ITGAM: variants seen among roughly 807,000 people sequenced by gnomAD.
ITGAM encodes integrin subunit alpha M, also known as integrin alpha-M.
Under a neutral mutation model 137.5 loss-of-function variants are expected in ITGAM, and 79 were observed. The observed-to-expected ratio is 0.57, with a 90% CI of 0.48 to 0.69. ITGAM has a LOEUF of 0.69. ITGAM is among the 30% of genes least tolerant of loss of function. The pLI is 0.00. For missense variants in ITGAM, 1,343 were observed against 1,483.5 expected (o/e 0.91, Z 1.56); for synonymous variants, 583 against 592.3 (o/e 0.98, Z 0.23).
intron 12 of ITGAM, among the ~76,000 whole-genome samples, chr16:31,291,922 A>G (rs904788723): frequency 6.6e-6 from 1 of 152,128 alleles, no homozygotes; most frequent in Non-Finnish European, 1.5e-5. Flanking sequence ...GTATTTCAAA[A>G]TAACTACAGG....
intron 14 of ITGAM, among the ~76,000 whole-genome samples, chr16:31,302,952 CTTT>C: frequency 8.4e-6 from 1 of 118,982 alleles, no homozygotes; most frequent in Non-Finnish European, 1.7e-5. Context: ...TTCTTTCTTT[CTTT>C]CTTTCTTTCT....
In ITGAM at chr16:31,331,034, G is replaced by A. The variant is rs1567284396; in HGVS notation, c.3277-131G>A. 7 of 614,700 alleles carry A rather than the reference G, an allele frequency of 1.1e-5. No homozygotes were observed. The East Asian group carries it at 1.4e-4, about 12-fold the overall frequency. The allele number at this position is 614,700 out of a possible 1,614,324, so 38.1% of individuals were successfully genotyped here. On this transcript the variant is annotated intron_variant, in intron 28 of 29. Transcript: ENST00000544665. Reference sequence around the variant, plus strand: ...AGGAGGGAGAAGAGGTGGGGGAGGAGGACTGAGGGCTGGGGTTCTGGGGGA... The same window carrying A: ...AGGAGGGAGAAGAGGTGGGGGAGGAAGACTGAGGGCTGGGGTTCTGGGGGA...
At chr16:31,312,469 C>T (rs551956182) in intron 14 of ITGAM, among the ~76,000 whole-genome samples, 2 of 152,244 alleles carry the variant, frequency 1.3e-5, no homozygotes, top group South Asian at 4.1e-4. Flanking sequence ...GTCTGTCATG[C>T]AGGCTGGAGT....
At chr16:31,262,358 TCCTTC>T (rs1336139140) in intron 2 of ITGAM, among the ~76,000 whole-genome samples, 1 of 127,802 alleles carries the variant, frequency 7.8e-6, no homozygotes, top group Non-Finnish European at 1.7e-5. Flanking sequence ...CTTCCTTCCT[TCCTTC>T]CTTCCTTCCT....
intron 14 of ITGAM, among the ~76,000 whole-genome samples, chr16:31,303,099 T>G (rs1459708954): frequency 6.6e-6 from 1 of 151,630 alleles, no homozygotes; most frequent in Non-Finnish European, 1.5e-5. Flanking sequence ...AGTGACGAGA[T>G]CATGGCTCAC....
intron 12 of ITGAM, among the ~76,000 whole-genome samples, chr16:31,289,306 G>A (rs1220128123): frequency 1.3e-5 from 2 of 152,142 alleles, no homozygotes; most frequent in Admixed American, 6.5e-5. Flanking sequence ...ACATGCACAC[G>A]AATGTTTATT....
In ITGAM at chr16:31,271,838, C is replaced by A; in HGVS notation, c.559-9C>A. On this transcript the variant is annotated splice_polypyrimidine_tract_variant and intron_variant, in intron 6 of 29. Coordinates refer to ENST00000544665, the MANE Select transcript of ITGAM (RefSeq NM_000632.4). Reference sequence around the variant, plus strand: ...TTCTCCAGCATCACACCAGCCGCCCCCTCCGCAGTTCTCTTTGATGCAGTA... The same window carrying A: ...TTCTCCAGCATCACACCAGCCGCCCACTCCGCAGTTCTCTTTGATGCAGTA... 1.2e-6 allele frequency: 2 copies of A among 1,613,934 alleles called. No homozygotes were observed. The highest frequency in any genetic ancestry group is 2.2e-5 in the South Asian group (2 of 91,076).
chr16:31,298,170 C>T (rs1377127029), intron 14 of ITGAM, among the ~76,000 whole-genome samples: 1 of 141,554 alleles, frequency 7.1e-6, no homozygotes, highest in Non-Finnish European at 1.5e-5. Context: ...GAGCTCAAGA[C>T]CAGTCAGGGC....
intron 8 of ITGAM, among the ~76,000 whole-genome samples, chr16:31,273,957 G>A (rs549949874): frequency 3.9e-5 from 6 of 152,344 alleles, no homozygotes; most frequent in Admixed American, 3.3e-4. Flanking sequence ...CATGGTGAAG[G>A]CAGGGGAGCA....
At chr16:31,263,476 T>C (rs957020752) in intron 2 of ITGAM, among the ~76,000 whole-genome samples, 1 of 152,198 alleles carries the variant, frequency 6.6e-6, no homozygotes, top group African/African-American at 2.4e-5. Flanking sequence ...CAGAAATTCA[T>C]GAAAATACCT....
chr16:31,269,599 A>T (rs530608463), intron 5 of ITGAM, among the ~76,000 whole-genome samples: 389 of 152,230 alleles, frequency 2.6e-3, no homozygotes, highest in Middle Eastern at 6.8e-3. Flanking sequence ...AGTAAGATTT[A>T]TTTACAAAGA....
intron 14 of ITGAM, among the ~76,000 whole-genome samples, chr16:31,302,571 G>A (rs1042126293): frequency 3.3e-5 from 5 of 149,410 alleles, no homozygotes; most frequent in African/African-American, 1.2e-4. Flanking sequence ...GTCTCGTGCT[G>A]TTGCCCAGGA....
intron 7 of ITGAM, among the ~76,000 whole-genome samples, chr16:31,272,446 TATATATATATATATATA>T (rs1393889476): frequency 3.1e-3 from 37 of 11,964 alleles, no homozygotes; most frequent in African/African-American, 6.9e-3. Flanking sequence ...TATATATATA[TATATATATATATATATA>T]TTTTTTTTTT....
chr16:31,262,027 C>T (rs1420711051), intron 2 of ITGAM, among the ~76,000 whole-genome samples: 2 of 152,100 alleles, frequency 1.3e-5, no homozygotes, highest in Non-Finnish European at 2.9e-5. Flanking sequence ...CAGGAGGGAC[C>T]TCACAAATGG....
intron 14 of ITGAM, among the ~76,000 whole-genome samples, chr16:31,299,329 G>A (rs2080171241): frequency 6.6e-6 from 1 of 151,944 alleles, no homozygotes; most frequent in Non-Finnish European, 1.5e-5. Flanking sequence ...TAGTTTTTGA[G>A]ACAAAAGTTT....
intron 16 of ITGAM, among the ~76,000 whole-genome samples, chr16:31,321,862 G>T (rs1415631752): frequency 6.6e-6 from 1 of 152,228 alleles, no homozygotes; most frequent in Non-Finnish European, 1.5e-5. Context: ...GTTCTCCAGA[G>T]AACTGAAGGC....
intron 5 of ITGAM, among the ~76,000 whole-genome samples, 179 bp from the exon 6 acceptor site, chr16:31,270,775 T>C (rs1324548578): frequency 1.9e-4 from 26 of 136,028 alleles, no homozygotes; most frequent in South Asian, 4.5e-4. Context: ...TATATATATA[T>C]ACACACACGT....
chr16:31,284,771 G>A (rs1022867748), intron 12 of ITGAM, among the ~76,000 whole-genome samples: 4 of 152,104 alleles, frequency 2.6e-5, no homozygotes, highest in African/African-American at 9.7e-5. Flanking sequence ...ACCTCAGTTG[G>A]AAATGCAGAA....
chr16:31,270,125 C>T (rs1312316051), intron 5 of ITGAM, among the ~76,000 whole-genome samples: 1 of 113,044 alleles, frequency 8.8e-6, no homozygotes, highest in Non-Finnish European at 1.8e-5. Context: ...TTCCTTCCTT[C>T]CTTCCTCCTT....
Sources: gnomAD v4.1 joint callset for allele counts (sites outside exome capture counted in the v4.1 genomes callset) on GRCh38, gnomAD v4.1.1 for gene constraint, MANE v1.5 for transcripts, NCBI Gene and HGNC (gene_info 2026-07-23, HGNC 2026-07-21) for gene names.